Variants in ZSWIM4 observed in about 807,000 individuals in gnomAD.
ZSWIM4 encodes zinc finger SWIM-type containing 4.
ZSWIM4 carries 62 observed loss-of-function variants against 102.5 expected under a neutral mutation model. That is an observed-to-expected ratio of 0.60 (90% CI 0.49 to 0.75). ZSWIM4 has a LOEUF of 0.75. ZSWIM4 is among the 30% of genes least tolerant of loss of function. ZSWIM4 has a pLI of 0.00. For synonymous variants in ZSWIM4, 652 were observed against 674.5 expected, an observed-to-expected ratio of 0.97 and a Z score of 0.52; for missense variants, 1,280 against 1,529.6, an observed-to-expected ratio of 0.84 and a Z score of 2.72.
In ZSWIM4 at chr19:13,815,641, T is replaced by G. The variant is rs1425029294; in HGVS notation, c.1531+776T>G. Among the ~76,000 whole-genome samples the G allele has an allele frequency of 2.0e-5, 3 of 151,132 alleles. No individual in the cohort carries two copies. In the Admixed American group the frequency reaches 2.0e-4, roughly 10 times the overall value. On this transcript the variant is annotated intron_variant, in intron 7 of 13. Transcript: ENST00000590508. ...CACCCACCACCACACCCAGTTAATT[T>G]TTGTGTTTTTAGTAGAGATGGGGTT... is the stretch of plus-strand genomic sequence containing the variant.
chr19:13,805,233 TACTG>T (rs1222483712), intron 3 of ZSWIM4, 85 bp downstream of exon 3: 2 of 1,271,172 alleles, frequency 1.6e-6, no homozygotes, highest in African/African-American at 2.9e-5. Flanking sequence ...GCTGGTCACT[TACTG>T]ACAGAAAGTT....
At chr19:13,828,925 A>AC (rs1325927955) in intron 13 of ZSWIM4, among the ~76,000 whole-genome samples, 199 bp downstream of exon 13, 1 of 151,644 alleles carries the variant, frequency 6.6e-6, no homozygotes, top group Non-Finnish European at 1.5e-5. Context: ...ACATAGTGAG[A>AC]CCCCATCTCT....
chr19:13,812,459 T>TTC (rs201368857), intron 5 of ZSWIM4, among the ~76,000 whole-genome samples: 2,435 of 124,340 alleles, frequency 0.02, 73 homozygotes, highest in African/African-American at 0.089. Context: ...TAATCCCAAC[T>TTC]TTTTTTTTTT....
intron 11 of ZSWIM4, among the ~76,000 whole-genome samples, chr19:13,824,034 T>G (rs1237752430): frequency 8.6e-5 from 11 of 128,208 alleles, no homozygotes; most frequent in African/African-American, 1.2e-4. Flanking sequence ...AAGTGGGGAG[T>G]AGAGAGGAAA....
chr19:13,819,573 C>CTGAGCT, intron 10 of ZSWIM4, 81 bp downstream of exon 10: 1 of 1,499,218 alleles, frequency 6.7e-7, no homozygotes. Context: ...AGAGCCCCAC[C>CTGAGCT]CATCCAGCCT....
intron 6 of ZSWIM4, among the ~76,000 whole-genome samples, chr19:13,814,008 G>A (rs146350828): frequency 1.3e-5 from 2 of 150,828 alleles, no homozygotes; most frequent in African/African-American, 4.9e-5. Context: ...CTCAACCTCA[G>A]TTTCCTATCA....
chr19:13,799,440 A>AT (rs1261625534), intron 1 of ZSWIM4, among the ~76,000 whole-genome samples: 5 of 150,702 alleles, frequency 3.3e-5, no homozygotes, highest in Non-Finnish European at 5.9e-5. Context: ...CACCCGGCTA[A>AT]TTTTTTTTAT....
chr19:13,831,052 G>A lies in ZSWIM4; in HGVS notation c.*2G>A. 6.4e-7 allele frequency: 1 copy of A among 1,570,616 alleles called. No homozygotes were observed. The highest frequency in any genetic ancestry group is 8.6e-7 in the Non-Finnish European group (1 of 1,160,976). Reference sequence around the variant, plus strand: ...TTGGTGCGGGAGCGTTTTGGTTGAGGGACAGTGGGGTGCGTGGGAGTGGGG... The same window carrying A: ...TTGGTGCGGGAGCGTTTTGGTTGAGAGACAGTGGGGTGCGTGGGAGTGGGG... On this transcript the variant is annotated 3_prime_UTR_variant, in exon 14 of 14. Coordinates refer to ENST00000590508, the MANE Select transcript of ZSWIM4 (RefSeq NM_001367834.3).
In ZSWIM4 at chr19:13,817,934, T is replaced by C. The variant is rs1975343967; in HGVS notation, c.1882T>C (p.Leu628=). The C allele has an allele frequency of 1.3e-6, 2 of 1,541,586 alleles. No individual in the cohort carries two copies. The highest frequency in any genetic ancestry group is 1.4e-5 in the African/African-American group (1 of 72,864). The stretch of plus-strand genomic sequence containing the variant: ...GGAGGAGGTGGAGTTGGATGAGCGG[T>C]TGGTGCAGGTGCTGCGCAAGCAGGC... ...LLEEVELDER[L]VQVLRKQAGL... The change falls in exon 9 of 14, where the codon TTG becomes CTG. Residue 628 remains leucine, a synonymous_variant. Coordinates refer to ENST00000590508, the MANE Select transcript of ZSWIM4 (RefSeq NM_001367834.3).
At chr19:13,798,947 C>T (rs1028618522) in intron 1 of ZSWIM4, among the ~76,000 whole-genome samples, 3 of 152,180 alleles carry the variant, frequency 2.0e-5, no homozygotes, top group African/African-American at 7.2e-5. Flanking sequence ...TGCCACCACA[C>T]CTGGCTAATT....
rs750703596 is a variant in ZSWIM4, at chr19:13,799,913, T to C, written c.347T>C (p.Leu116Ser). 6.2e-7 allele frequency: 1 copy of C among 1,610,174 alleles called. No homozygotes were observed. Among genetic ancestry groups the C allele is most frequent in the Non-Finnish European group, 8.5e-7 (1 of 1,179,682 alleles). ...LLQSGAVDRV[L>S]QVGFHLSGNI... ...CAGAGCGGGGCCGTGGACCGCGTGT[T>C]GCAAGTGGGTGAGTCTTTGTCCCCC... Residue 116 changes from leucine to serine, a missense_variant, in exon 2 of 14, where the codon TTG (leucine) becomes TCG (serine). Transcript: ENST00000590508.
chr19:13,798,917 T>G (rs1320027860), intron 1 of ZSWIM4, among the ~76,000 whole-genome samples: 3 of 152,124 alleles, frequency 2.0e-5, no homozygotes. Flanking sequence ...GCCTCCCAAG[T>G]AGCTGAGATT....
At chr19:13,808,326 G>GGGAT (rs1974972973) in intron 3 of ZSWIM4, among the ~76,000 whole-genome samples, 1 of 151,548 alleles carries the variant, frequency 6.6e-6, no homozygotes, top group Non-Finnish European at 1.5e-5. Flanking sequence ...GATTGATGGA[G>GGGAT]GGATGGATGG....
chr19:13,819,590 A>G, intron 10 of ZSWIM4, 98 bp downstream of exon 10: 1 of 1,428,504 alleles, frequency 7.0e-7, no homozygotes, highest in Non-Finnish European at 9.4e-7. Context: ...GCCTGAACTC[A>G]CAGCCTAGTT....
At chr19:13,821,487 T>A (rs976335659) in intron 10 of ZSWIM4, among the ~76,000 whole-genome samples, 1 of 151,232 alleles carries the variant, frequency 6.6e-6, no homozygotes, top group Non-Finnish European at 1.5e-5. Context: ...TGATCTATGA[T>A]CCCACCTATG....
At chr19:13,810,132 C>T (rs1044827806) in intron 5 of ZSWIM4, among the ~76,000 whole-genome samples, 6 of 149,202 alleles carry the variant, frequency 4.0e-5, no homozygotes, top group African/African-American at 1.2e-4. Flanking sequence ...GTAGCTGGGA[C>T]TACAGGCACC....
intron 3 of ZSWIM4, among the ~76,000 whole-genome samples, chr19:13,808,218 A>G (rs768925342): frequency 6.6e-6 from 1 of 152,052 alleles, no homozygotes; most frequent in Non-Finnish European, 1.5e-5. Flanking sequence ...TCAACATGAG[A>G]TTTGGGTGGA....
chr19:13,814,940 T>G, intron 7 of ZSWIM4, 75 bp downstream of exon 7: 1 of 946,034 alleles, frequency 1.1e-6, no homozygotes, highest in Non-Finnish European at 1.4e-6. Flanking sequence ...GAGGATTGCT[T>G]GAGGCCAGGA....
In ZSWIM4 at chr19:13,799,713, C is replaced by T. The variant is rs753684920; in HGVS notation, c.154-7C>T. On this transcript the variant is annotated splice_region_variant and splice_polypyrimidine_tract_variant and intron_variant, in intron 1 of 13. Coordinates refer to ENST00000590508, the MANE Select transcript of ZSWIM4 (RefSeq NM_001367834.3). ...CCAGGCTCCTAACCCACTGGCCCTT[C>T]CTACAGGTGGAGGAGCGGTTCTCCC... 1.2e-6 allele frequency: 2 copies of T among 1,613,846 alleles called. No individual in the cohort carries two copies. The highest frequency in any genetic ancestry group is 1.1e-5 in the South Asian group (1 of 91,080).
Sources: gnomAD v4.1 joint callset for allele counts (sites outside exome capture counted in the v4.1 genomes callset) on GRCh38, gnomAD v4.1.1 for gene constraint, MANE v1.5 for transcripts, NCBI Gene and HGNC (gene_info 2026-07-23, HGNC 2026-07-21) for gene names.